MAD1L1: variants seen among roughly 807,000 people sequenced by gnomAD.
MAD1L1 encodes the protein mitotic arrest deficient 1 like 1.
In MAD1L1, 95 loss-of-function variants were observed where a neutral mutation model predicts 96.9. The observed-to-expected ratio is 0.98, with a 90% CI of 0.83 to 1.16. The LOEUF is 1.16. MAD1L1 is among the 50% of genes most tolerant of loss of function. The probability of loss-of-function intolerance (pLI) is 0.00; values close to 1 mark genes in which losing one functional copy is unlikely to be tolerated. For synonymous variants in MAD1L1, 473 were observed against 396.6 expected, an observed-to-expected ratio of 1.19 and a Z score of -2.29; for missense variants, 1,007 against 954.4, an observed-to-expected ratio of 1.06 and a Z score of -0.73.
intron 17 of MAD1L1, among the ~76,000 whole-genome samples, chr7:1,911,585 G>A (rs985086230): frequency 6.6e-6 from 1 of 152,240 alleles, no homozygotes; most frequent in Non-Finnish European, 1.5e-5. Flanking sequence ...TCTGCCAGGG[G>A]ACGATGTTCA....
chr7:1,819,473 CACCTGCCCCTCTGGAAGCAGAGAGG>C (rs1190666728), intron 18 of MAD1L1, among the ~76,000 whole-genome samples: 3 of 152,190 alleles, frequency 2.0e-5, no homozygotes, highest in African/African-American at 7.2e-5. Flanking sequence ...GCCTGGGGCT[CACCTGCCCCTCTGGAAGCAGAGAGG>C]GCCTGCCCTG....
chr7:1,860,217 CCT>C (rs1784470283), intron 18 of MAD1L1, among the ~76,000 whole-genome samples: 1 of 147,894 alleles, frequency 6.8e-6, no homozygotes, highest in Admixed American at 6.7e-5. Context: ...GGTGGGGCGG[CCT>C]CTGTGTCCCT....
chr7:1,955,869 G>A (rs1180809311), intron 16 of MAD1L1, among the ~76,000 whole-genome samples: 1 of 151,924 alleles, frequency 6.6e-6, no homozygotes, highest in Non-Finnish European at 1.5e-5. Flanking sequence ...TTTGACTTGT[G>A]ACCTAAGTAG....
chr7:1,895,135 G>T (rs1035203331), intron 18 of MAD1L1, among the ~76,000 whole-genome samples: 3 of 152,216 alleles, frequency 2.0e-5, no homozygotes, highest in Non-Finnish European at 4.4e-5. Flanking sequence ...CAGGTGAAGA[G>T]GATGGAGCAG....
chr7:2,122,415 G>A (rs949338880), intron 11 of MAD1L1, among the ~76,000 whole-genome samples: 1 of 152,154 alleles, frequency 6.6e-6, no homozygotes, highest in South Asian at 2.1e-4. Flanking sequence ...ATCACCTGAG[G>A]TTGGGAGTTC....
At chr7:2,042,204 GAC>G (rs1190760442) in intron 12 of MAD1L1, among the ~76,000 whole-genome samples, 2 of 140,150 alleles carry the variant, frequency 1.4e-5, no homozygotes, top group African/African-American at 5.8e-5. Context: ...CATGGACACA[GAC>G]ACGCACACAG....
At chr7:1,978,448 G>A (rs1447996470) in intron 15 of MAD1L1, among the ~76,000 whole-genome samples, 1 of 152,216 alleles carries the variant, frequency 6.6e-6, no homozygotes, top group South Asian at 2.1e-4. Flanking sequence ...AGCAGGTGGT[G>A]GGGACGGCCC....
intron 10 of MAD1L1, chr7:2,193,438 T>G (rs1215350294): frequency 2.0e-5 from 3 of 152,670 alleles, no homozygotes; most frequent in Non-Finnish European, 4.4e-5. Flanking sequence ...GTGCTGAGTT[T>G]CAGCACAGGG....
chr7:1,946,018 C>T (rs1779213642), intron 16 of MAD1L1, among the ~76,000 whole-genome samples: 1 of 152,194 alleles, frequency 6.6e-6, no homozygotes, highest in Admixed American at 6.5e-5. Context: ...GGCCAGGAGG[C>T]AATGGACACA....
intron 18 of MAD1L1, among the ~76,000 whole-genome samples, chr7:1,880,446 A>C (rs1484783943): frequency 6.6e-6 from 1 of 152,134 alleles, no homozygotes; most frequent in African/African-American, 2.4e-5. Context: ...CCTCAGAAGG[A>C]AGGGAGGCCA....
At chr7:2,021,968 T>C (rs1782807022) in intron 12 of MAD1L1, among the ~76,000 whole-genome samples, 1 of 151,698 alleles carries the variant, frequency 6.6e-6, no homozygotes, top group Non-Finnish European at 1.5e-5. Flanking sequence ...TTCATCTGTT[T>C]TTTTCGAGAC....
At chr7:1,943,652 G>GCC (rs1448209799) in intron 16 of MAD1L1, among the ~76,000 whole-genome samples, 1 of 152,100 alleles carries the variant, frequency 6.6e-6, no homozygotes, top group Non-Finnish European at 1.5e-5. Context: ...ACCCTGGTGT[G>GCC]CGGCAGCCCT....
chr7:2,174,721 G>A (rs1790867177), intron 10 of MAD1L1, among the ~76,000 whole-genome samples: 1 of 152,122 alleles, frequency 6.6e-6, no homozygotes, highest in South Asian at 2.1e-4. Flanking sequence ...GCTTCTTCCA[G>A]AGGACATTTT....
chr7:1,932,268 C>T (rs927428752), intron 17 of MAD1L1, among the ~76,000 whole-genome samples: 1 of 152,258 alleles, frequency 6.6e-6, no homozygotes, highest in East Asian at 1.9e-4. Flanking sequence ...CTGGCCTGTT[C>T]TGGCCCCTGC....
chr7:1,885,141 G>A (rs1036149887), intron 18 of MAD1L1, among the ~76,000 whole-genome samples: 2 of 152,140 alleles, frequency 1.3e-5, no homozygotes, highest in African/African-American at 4.8e-5. Flanking sequence ...GCAGGACAGG[G>A]GAAGAGAAAG....
chr7:2,136,421 C>T (rs1267911244), intron 11 of MAD1L1, among the ~76,000 whole-genome samples: 1 of 152,204 alleles, frequency 6.6e-6, no homozygotes, highest in East Asian at 1.9e-4. Context: ...GGCAGGGGGA[C>T]ACGTGTGGAG....
rs1397242445 is a variant in MAD1L1 at position 1,968,477 on chromosome 7, A to G, written c.1506-10758T>C. On this transcript the variant is annotated intron_variant, in intron 15 of 18. Coordinates refer to ENST00000265854, the MANE Select transcript of MAD1L1 (RefSeq NM_001013836.2). The surrounding 1 kb of genome is among the most constrained non-coding windows in gnomAD (Gnocchi z 5.6). ...ATGTCCACCATCAATGCCTCAGTCC[A>G]GCGGTCAGGTCCACTGTCCATGCCT... 6.9e-6 allele frequency among the ~76,000 whole-genome samples: 1 copy of G among 144,722 alleles called. No individual in the cohort carries two copies. The highest frequency in any genetic ancestry group is 6.9e-5 in the Admixed American group (1 of 14,574). The allele number at this position is 144,722 out of a possible 152,430, so 94.9% of individuals were successfully genotyped here. A position where few individuals can be genotyped will look rare whatever the true frequency, so the allele number is the denominator to read the frequency against.
At chr7:1,916,468 G>A (rs1247008378) in intron 17 of MAD1L1, among the ~76,000 whole-genome samples, 5 of 152,144 alleles carry the variant, frequency 3.3e-5, no homozygotes, top group African/African-American at 7.2e-5. Flanking sequence ...GGCACGAGGC[G>A]GGGACAGCAC....
At chr7:1,849,923 C>T (rs1783874516) in intron 18 of MAD1L1, 1 of 152,210 alleles carries the variant, frequency 6.6e-6, no homozygotes, top group Non-Finnish European at 1.5e-5. Flanking sequence ...AAACAAGAGC[C>T]CACGCGGCAG....
Sources: gnomAD v4.1 joint callset for allele counts (sites outside exome capture counted in the v4.1 genomes callset) on GRCh38, gnomAD v4.1.1 for gene constraint, Gnocchi (gnomAD v3.1) non-coding constraint, MANE v1.5 for transcripts, NCBI Gene and HGNC (gene_info 2026-07-23, HGNC 2026-07-21) for gene names.